The following SEL1L variants were observed in gnomAD, a reference collection of about 807,000 sequenced individuals.
SEL1L encodes SEL1L adaptor subunit of SYVN1 ubiquitin ligase.
A neutral mutation model predicts 109.8 loss-of-function variants in SEL1L; 52 were observed. The ratio of observed to expected loss-of-function variants is 0.47; its 90% CI spans 0.38 to 0.60. The LOEUF (loss-of-function observed/expected upper bound fraction) is 0.60, where lower values mean the gene tolerates loss of function less well. Among genes scored for constraint, SEL1L ranks in the 20% least tolerant of loss-of-function variants. The pLI is 0.00. For synonymous variants in SEL1L, 373 were observed against 339.6 expected (o/e 1.10, Z -1.08); for missense variants, 749 against 962.2 (o/e 0.78, Z 2.93).
intron 20 of SEL1L, among the ~76,000 whole-genome samples, chr14:81,478,071 A>G (rs1903224987): frequency 6.6e-6 from 1 of 152,232 alleles, no homozygotes; most frequent in Admixed American, 6.5e-5. Context: ...TTATGTTCTT[A>G]GCCTATAATA....
intron 12 of SEL1L, among the ~76,000 whole-genome samples, chr14:81,491,989 A>C (rs1206526714): frequency 6.6e-6 from 1 of 151,838 alleles, no homozygotes; most frequent in Non-Finnish European, 1.5e-5. Context: ...AGTGAGAGCT[A>C]ATTTCAATGA....
Position 81,523,251 on chromosome 14 carries a change from G to C in SEL1L, c.340+3482C>G, listed in dbSNP as rs77919799. 3.5e-3 allele frequency among the ~76,000 whole-genome samples: 531 copies of C among 152,280 alleles called. 3 individuals are homozygous for C. The highest frequency in any genetic ancestry group is 0.012 in the African/African-American group (506 of 41,546). On this transcript the variant is annotated intron_variant, in intron 3 of 20. Transcript: ENST00000336735. The stretch of plus-strand genomic sequence containing the variant: ...CCCATCCCCCAACCTCAGAAGGGCA[G>C]AGGAGCTAAAAGTTGAGCCAATAAA...
intron 19 of SEL1L, among the ~76,000 whole-genome samples, chr14:81,482,736 T>G (rs1372292335): frequency 1.3e-5 from 2 of 152,206 alleles, no homozygotes; most frequent in African/African-American, 4.8e-5. Context: ...GTTTAAAATA[T>G]AAATATTTAC....
chr14:81,484,422 C>A, intron 18 of SEL1L, 25 bp from the exon 19 acceptor site: 1 of 1,589,346 alleles, frequency 6.3e-7, no homozygotes, highest in Non-Finnish European at 8.6e-7. Flanking sequence ...AAATGCAGAA[C>A]TGCCAATAAA....
Position 81,489,255 on chromosome 14 carries a change from T to C in SEL1L, c.1392A>G (p.Gln464=), listed in dbSNP as rs1206412145. The change falls in exon 14 of 21, where the codon CAA becomes CAG. Residue 464 remains glutamine, a synonymous_variant. Coordinates refer to ENST00000336735, the MANE Select transcript of SEL1L (RefSeq NM_005065.6). The part of the protein sequence containing the change: ...GMAYLYGRGV[Q]VNYDLALKYF... ...GAATGTCAGACTGAACACTTACAACTTGAACTCCTCTCCCATAGAGGTAGG... is the reference window on the plus strand; with the variant it reads ...GAATGTCAGACTGAACACTTACAACCTGAACTCCTCTCCCATAGAGGTAGG... The C allele has an allele frequency of 1.9e-6, 3 of 1,613,668 alleles. No individual in the cohort carries two copies. The highest frequency in any genetic ancestry group is 4.5e-5 in the East Asian group (2 of 44,880).
intron 9 of SEL1L, 60 bp from the exon 10 acceptor site, chr14:81,498,106 A>T: frequency 6.5e-7 from 1 of 1,527,752 alleles, no homozygotes; most frequent in South Asian, 1.2e-5. Context: ...TTCCAGAGAG[A>T]GAGAAGTACA....
chr14:81,501,665 G>A (rs546257197), intron 6 of SEL1L, among the ~76,000 whole-genome samples: 25 of 152,134 alleles, frequency 1.6e-4, no homozygotes, highest in African/African-American at 5.5e-4. Flanking sequence ...AGCAAGTCTC[G>A]CAGCTTGAAT....
chr14:81,486,449 AAAC>A lies in SEL1L; in HGVS notation c.1635_1637del (p.Leu545del). On this transcript the variant is annotated inframe_deletion and splice_region_variant, in exon 17 of 21. Transcript: ENST00000336735. ...AACGGCCTCGTTCACATACATTCTT[AAAC>A]AACTGTGTGAGGTGGGGAAAAAAAA... 6.2e-7 allele frequency: 1 copy of A among 1,613,388 alleles called. No homozygotes were observed. Among genetic ancestry groups the A allele is most frequent in the Non-Finnish European group, 8.5e-7 (1 of 1,179,720 alleles).
Position 81,487,525 on chromosome 14 carries a change from G to T in SEL1L, c.1497C>A (p.Val499=). The T allele has an allele frequency of 6.3e-7, 1 of 1,598,072 alleles. No individual in the cohort carries two copies. The highest frequency in any genetic ancestry group is 8.5e-7 in the Non-Finnish European group (1 of 1,176,766). Residue 499 remains valine, a synonymous_variant, in exon 16 of 21, where the codon GTC becomes GTA. Coordinates refer to ENST00000336735, the MANE Select transcript of SEL1L (RefSeq NM_005065.6). ...LGSMYYNGIG[V]KRDYKQALKY... ...TCAAGGCCTGTTTATAATCTCTCTTGACTCCAATGCCATCTGTAAGAAAAA... is the reference window on the plus strand; with the variant it reads ...TCAAGGCCTGTTTATAATCTCTCTTTACTCCAATGCCATCTGTAAGAAAAA...
At chr14:81,519,840 T>C (rs1034706037) in intron 3 of SEL1L, among the ~76,000 whole-genome samples, 7 of 152,184 alleles carry the variant, frequency 4.6e-5, no homozygotes, top group Admixed American at 1.3e-4. Context: ...GAGGAGAATC[T>C]GTACAAAGGC....
intron 3 of SEL1L, among the ~76,000 whole-genome samples, chr14:81,522,404 T>C (rs1482970974): frequency 1.3e-5 from 2 of 152,202 alleles, no homozygotes; most frequent in Non-Finnish European, 2.9e-5. Flanking sequence ...TTTAAAAATC[T>C]TTTATACCAT....
intron 3 of SEL1L, among the ~76,000 whole-genome samples, chr14:81,513,603 A>G (rs1884576568): frequency 6.6e-6 from 1 of 152,218 alleles, no homozygotes; most frequent in Non-Finnish European, 1.5e-5. Context: ...AGCAGTGAGT[A>G]CCATCAGACC....
In SEL1L at chr14:81,475,946, A is replaced by C. The variant is rs2139974305; in HGVS notation, c.*1026T>G. The C allele has an allele frequency of 6.6e-6, 1 of 152,358 alleles. No homozygotes were observed. Among genetic ancestry groups the C allele is most frequent in the African/African-American group, 2.4e-5 (1 of 41,586 alleles). 9.4% of individuals were successfully genotyped at this position (152,358 alleles called of 1,614,324 possible). A position where few individuals can be genotyped will look rare whatever the true frequency, so the allele number is the denominator to read the frequency against. On this transcript the variant is annotated 3_prime_UTR_variant, in exon 21 of 21. Transcript: ENST00000336735. ...TGATTCTCTGAGTTTTAGTATTATA[A>C]TAGTAGTCACTGTAAGCCATACCCT...
intron 16 of SEL1L, 71 bp downstream of exon 16, chr14:81,487,319 G>T: frequency 7.0e-7 from 1 of 1,428,892 alleles, no homozygotes; most frequent in Non-Finnish European, 9.3e-7. Context: ...AAAAAAACCA[G>T]AATTGAAAGC....
intron 8 of SEL1L, chr14:81,498,715 G>A (rs1883883832): frequency 2.5e-6 from 1 of 401,194 alleles, no homozygotes; most frequent in South Asian, 6.7e-5. Context: ...ATAGTTCCTA[G>A]AGCAATCAAA....
rs1032905500 is a variant in SEL1L, at chr14:81,473,182, T to C, written c.*3790A>G. 1.3e-5 allele frequency: 2 copies of C among 152,228 alleles called. No homozygotes were observed. Among genetic ancestry groups the C allele is most frequent in the Non-Finnish European group, 2.9e-5 (2 of 68,050 alleles). The allele number at this position is 152,228 out of a possible 1,614,324, so 9.4% of individuals were successfully genotyped here. ...TTGATTATATCAACATTATGAGTTTTATGAGTTTATTTTCTAATCAAAGAG... is the reference window on the plus strand; with the variant it reads ...TTGATTATATCAACATTATGAGTTTCATGAGTTTATTTTCTAATCAAAGAG... On this transcript the variant is annotated 3_prime_UTR_variant, in exon 21 of 21. Transcript: ENST00000336735.
At chr14:81,505,214 T>A (rs1256350085) in intron 4 of SEL1L, among the ~76,000 whole-genome samples, 1 of 152,200 alleles carries the variant, frequency 6.6e-6, no homozygotes, top group East Asian at 1.9e-4. Context: ...AGTAAAAAAT[T>A]TTTATTAAAT....
Position 81,525,547 on chromosome 14 carries a change from A to G in SEL1L, c.340+1186T>C, listed in dbSNP as rs960343277. On this transcript the variant is annotated intron_variant, in intron 3 of 20. Coordinates refer to ENST00000336735, the MANE Select transcript of SEL1L (RefSeq NM_005065.6). ...GGAAAGAGGTATTTTCAGAGGAAGT[A>G]AACAGAATCACTTTTCTGAAGAACA... Among the ~76,000 whole-genome samples the G allele has an allele frequency of 2.4e-4, 37 of 152,166 alleles. 1 individual carries two copies. The highest frequency in any genetic ancestry group is 6.6e-5 in the Admixed American group (1 of 15,258).
intron 10 of SEL1L, 75 bp from the exon 11 acceptor site, chr14:81,495,212 T>A: frequency 7.4e-7 from 1 of 1,355,524 alleles, no homozygotes; most frequent in South Asian, 1.2e-5. Context: ...CAACAAGAAA[T>A]GATTTGGTCG....
Sources: allele counts gnomAD v4.1 joint callset (sites outside exome capture counted in the v4.1 genomes callset), GRCh38; gene constraint gnomAD v4.1.1; transcripts MANE v1.5; gene names NCBI Gene and HGNC (gene_info 2026-07-23, HGNC 2026-07-21).